Variants in PLEKHA6 observed in about 807,000 individuals in gnomAD.
PLEKHA6 encodes the protein pleckstrin homology domain containing A6.
Under a neutral mutation model 116.7 loss-of-function variants are expected in PLEKHA6, and 60 were observed. The observed-to-expected ratio is 0.51, with a 90% CI of 0.42 to 0.64. The LOEUF (loss-of-function observed/expected upper bound fraction) is 0.64, where lower values mean the gene tolerates loss of function less well. Among genes scored for constraint, PLEKHA6 ranks in the 30% least tolerant of loss-of-function variants. The probability of loss-of-function intolerance (pLI) is 0.00; values close to 1 mark genes in which losing one functional copy is unlikely to be tolerated. For missense variants in PLEKHA6, 1,338 were observed against 1,422.7 expected (o/e 0.94, Z 0.96); for synonymous variants, 489 against 556.1 (o/e 0.88, Z 1.70).
chr1:204,292,668 C>G (rs1385974045), intron 1 of PLEKHA6, among the ~76,000 whole-genome samples: 2 of 152,194 alleles, frequency 1.3e-5, no homozygotes, highest in East Asian at 3.9e-4. Context: ...TCACCCAGCA[C>G]TGGGTGGATG....
chr1:204,231,271 T>G (rs1661147208), intron 17 of PLEKHA6, among the ~76,000 whole-genome samples: 1 of 152,138 alleles, frequency 6.6e-6, no homozygotes, highest in Admixed American at 6.6e-5. Flanking sequence ...AAATATGAGC[T>G]TTAAAGATGA....
chr1:204,222,970 G>A (rs1036470197), intron 22 of PLEKHA6, among the ~76,000 whole-genome samples, 191 bp from the exon 23 acceptor site: 5 of 152,236 alleles, frequency 3.3e-5, no homozygotes, highest in African/African-American at 1.2e-4. Context: ...GTGAGCGGCT[G>A]TGGGCTAGGG....
intron 1 of PLEKHA6, chr1:204,280,170 C>T: frequency 3.3e-6 from 1 of 303,230 alleles, no homozygotes; most frequent in Non-Finnish European, 4.8e-6. Flanking sequence ...TAAAGCTTTC[C>T]TGTAGTTCAA....
At chr1:204,329,312 A>G (rs4077534) in intron 1 of PLEKHA6, among the ~76,000 whole-genome samples, 100,014 of 151,960 alleles carry the variant, frequency 0.66, 33,671 homozygotes, top group Non-Finnish European at 0.73. Context: ...CATGGGGCCC[A>G]TGTCTTACCA....
chr1:204,301,670 A>C (rs1302299713), intron 1 of PLEKHA6, among the ~76,000 whole-genome samples: 2 of 152,190 alleles, frequency 1.3e-5, no homozygotes, highest in Admixed American at 6.5e-5. Context: ...AGGAATTCCA[A>C]TTGTGAGGGG....
At chr1:204,249,007 ACAGC>A (rs1203644217) in intron 11 of PLEKHA6, 37 bp from the exon 12 acceptor site, 5 of 1,607,790 alleles carry the variant, frequency 3.1e-6, no homozygotes, top group African/African-American at 1.3e-5. Flanking sequence ...AGCAGCCCTG[ACAGC>A]TCCTCTCTGG....
At chr1:204,248,692 C>T in intron 12 of PLEKHA6, 129 bp downstream of exon 12, 1 of 743,336 alleles carries the variant, frequency 1.3e-6, no homozygotes, top group Non-Finnish European at 2.2e-6. Flanking sequence ...GTTTATGCCC[C>T]TCTGCACGGG....
intron 3 of PLEKHA6, among the ~76,000 whole-genome samples, chr1:204,366,464 G>T (rs544308713): frequency 1.1e-4 from 17 of 152,302 alleles, no homozygotes; most frequent in Admixed American, 1.1e-3. Flanking sequence ...TTCGCTTTAA[G>T]AATATGGTTA....
intron 18 of PLEKHA6, among the ~76,000 whole-genome samples, chr1:204,229,772 G>A (rs1410197670): frequency 6.6e-6 from 1 of 152,166 alleles, no homozygotes; most frequent in East Asian, 1.9e-4. Context: ...TAGAATGTAA[G>A]CTGTTGAGGA....
intron 1 of PLEKHA6, among the ~76,000 whole-genome samples, chr1:204,328,735 C>T (rs2103260174): frequency 6.6e-6 from 1 of 152,348 alleles, no homozygotes; most frequent in East Asian, 1.9e-4. Context: ...TGTGCAGTGT[C>T]TGCACAGTCT....
At chr1:204,269,195 C>G (rs1220387191) in intron 3 of PLEKHA6, among the ~76,000 whole-genome samples, 1 of 151,254 alleles carries the variant, frequency 6.6e-6, no homozygotes, top group African/African-American at 2.4e-5. Flanking sequence ...AACTCAACAC[C>G]AGCTTTTCTA....
At chr1:204,322,234 C>T (rs1252965166) in intron 1 of PLEKHA6, among the ~76,000 whole-genome samples, 2 of 152,178 alleles carry the variant, frequency 1.3e-5, no homozygotes, top group Non-Finnish European at 2.9e-5. Flanking sequence ...CCCCTACACA[C>T]ACCCCTTTAG....
intron 6 of PLEKHA6, among the ~76,000 whole-genome samples, chr1:204,264,600 T>C (rs947084916): frequency 2.0e-5 from 3 of 152,134 alleles, no homozygotes; most frequent in Non-Finnish European, 4.4e-5. Context: ...GGGCAGGAAC[T>C]GGGCAAAAAG....
intron 17 of PLEKHA6, among the ~76,000 whole-genome samples, chr1:204,236,323 T>C (rs1662048993): frequency 1.3e-5 from 2 of 152,270 alleles, no homozygotes; most frequent in Non-Finnish European, 2.9e-5. Flanking sequence ...TCCCTTGGTT[T>C]AATGTAGAGG....
Position 204,304,047 on chromosome 1 carries a change from A to T in PLEKHA6, c.-94-29238T>A, listed in dbSNP as rs377025603. ...TATTCTTGAGAGTTCAAGAAGACCC[A>T]CCATTTCAAAAATTGATATCAAGAT... On this transcript the variant is annotated intron_variant, in intron 1 of 22. Transcript: ENST00000272203. 1.7e-3 allele frequency among the ~76,000 whole-genome samples: 266 copies of T among 152,212 alleles called. 7 individuals are homozygous for T. The South Asian group carries it at 0.052, about 30-fold the overall frequency.
In PLEKHA6 at chr1:204,300,623, GAGA is replaced by G; in HGVS notation, c.-94-25817_-94-25815del. Among the ~76,000 whole-genome samples, 2 of 152,302 alleles carry G rather than the reference GAGA, an allele frequency of 1.3e-5. 1 individual carries two copies. The highest frequency in any genetic ancestry group is 6.8e-3 in the Middle Eastern group (2 of 294). ...TGTCCAGAAAGTACCCCCCTAATCA[GAGA>G]AGATGTCAAAGTCAGAGCTCCCCGT... On this transcript the variant is annotated intron_variant, in intron 1 of 22. Transcript: ENST00000272203.
At chr1:204,301,120 G>A in intron 1 of PLEKHA6, 1 of 320,858 alleles carries the variant, frequency 3.1e-6, no homozygotes, top group African/African-American at 2.2e-5. Flanking sequence ...AATAAACAAT[G>A]TGTACCACTT....
intron 1 of PLEKHA6, among the ~76,000 whole-genome samples, chr1:204,340,833 C>G (rs1672819900): frequency 6.6e-6 from 1 of 152,176 alleles, no homozygotes. Flanking sequence ...GGGTGCTGAT[C>G]CCCGAAACAG....
At position 204,228,141 on chromosome 1, in the gene PLEKHA6, C is replaced by T. The variant is rs1052802338; in HGVS notation, c.2973G>A (p.Arg991=). The change falls in exon 21 of 23, where the codon CGG becomes CGA. Residue 991 remains arginine, a synonymous_variant. Transcript: ENST00000272203. This position sits in a 1 kb window ranked among gnomAD's most constrained non-coding sequence, Gnocchi z 4.0. ...SESQLQEQEK[R]IEISCALATE... is the part of the protein sequence containing the mutation. ...TCGCCAGGGCGCAGGAGATTTCAAT[C>T]CGCTTCTCCTGCTCCTGCAGCTGGC... The T allele has an allele frequency of 6.2e-7, 1 of 1,613,406 alleles. No individual in the cohort carries two copies. Among genetic ancestry groups the T allele is most frequent in the African/African-American group, 1.3e-5 (1 of 75,040 alleles).
Sources: allele counts gnomAD v4.1 joint callset (sites outside exome capture counted in the v4.1 genomes callset), GRCh38; gene constraint gnomAD v4.1.1; non-coding constraint Gnocchi (gnomAD v3.1); transcripts MANE v1.5; gene names NCBI Gene and HGNC (gene_info 2026-07-23, HGNC 2026-07-21).